CNIH3: variants seen among roughly 807,000 people sequenced by gnomAD.
The protein encoded by CNIH3 is cornichon family AMPA receptor auxiliary protein 3, also known as protein cornichon homolog 3.
Under a neutral mutation model 24.1 loss-of-function variants are expected in CNIH3, and 14 were observed. The observed-to-expected ratio is 0.58, with a 90% confidence interval of 0.38 to 0.91. The LOEUF (loss-of-function observed/expected upper bound fraction) is 0.91, where lower values mean the gene tolerates loss of function less well. Ranked by LOEUF, CNIH3 falls within the 40% of genes least tolerant of loss-of-function variation. The probability of loss-of-function intolerance (pLI) is 0.00; values close to 1 mark genes in which losing one functional copy is unlikely to be tolerated. For missense variants in CNIH3, 178 were observed against 196.8 expected, an observed-to-expected ratio of 0.90 and a Z score of 0.57; for synonymous variants, 68 against 73.8, an observed-to-expected ratio of 0.92 and a Z score of 0.40.
chr1:224,434,929 G>A (rs1428221624), intron 1 of CNIH3: 25 of 985,658 alleles, frequency 2.5e-5, no homozygotes, highest in Non-Finnish European at 2.9e-5. Context: ...GGTCAGGGGA[G>A]GGAGGCCAGC....
chr1:224,497,247 GTAC>G (rs1416656703), intron 1 of CNIH3, among the ~76,000 whole-genome samples: 1 of 152,180 alleles, frequency 6.6e-6, no homozygotes, highest in Non-Finnish European at 1.5e-5. Context: ...CTGCTAATAG[GTAC>G]AAGATTTCTT....
downstream of CNIH3, among the ~76,000 whole-genome samples, chr1:224,589,411 G>A (rs1681655419): frequency 2.0e-5 from 3 of 152,164 alleles, no homozygotes; most frequent in South Asian, 4.1e-4. Flanking sequence ...GAATATCTGG[G>A]GCTAAATGAG....
At chr1:224,672,018 C>T (rs551807450) in intron 1 of CNIH3, among the ~76,000 whole-genome samples, 1 of 152,218 alleles carries the variant, frequency 6.6e-6, no homozygotes, top group Non-Finnish European at 1.5e-5. Flanking sequence ...ATGTTATAAC[C>T]AATAAAATCA....
chr1:224,716,378 A>G (rs1688430804), intron 3 of CNIH3, among the ~76,000 whole-genome samples: 1 of 152,236 alleles, frequency 6.6e-6, no homozygotes, highest in Non-Finnish European at 1.5e-5. Flanking sequence ...TCACGCAGGC[A>G]AGGATGGTGT....
chr1:224,605,045 G>T (rs1000414766), intron 3 of CNIH3, among the ~76,000 whole-genome samples: 1 of 152,146 alleles, frequency 6.6e-6, no homozygotes, highest in Non-Finnish European at 1.5e-5. Flanking sequence ...GGCAAAAAAG[G>T]CTAAAGCAAA....
At chr1:224,537,763 A>G (rs1451443331), downstream of CNIH3, among the ~76,000 whole-genome samples, 1 of 152,228 alleles carries the variant, frequency 6.6e-6, no homozygotes. Flanking sequence ...AGCAGCAATT[A>G]TAAGAACAAT....
chr1:224,735,981 C>T (rs1429067547), intron 5 of CNIH3, among the ~76,000 whole-genome samples: 11 of 151,952 alleles, frequency 7.2e-5, no homozygotes, highest in East Asian at 1.9e-4. Context: ...TTGTACGTAT[C>T]GCTCAATTTA....
At chr1:224,638,825 A>G (rs946281215) in intron 1 of CNIH3, among the ~76,000 whole-genome samples, 4 of 152,166 alleles carry the variant, frequency 2.6e-5, no homozygotes, top group Admixed American at 2.6e-4. Flanking sequence ...CCTTGTCAAT[A>G]CTTTATACTT....
At chr1:224,583,606 G>T (rs1356675441) in intron 5 of CNIH3, among the ~76,000 whole-genome samples, 2 of 152,194 alleles carry the variant, frequency 1.3e-5, no homozygotes, top group Non-Finnish European at 2.9e-5. Context: ...TTGGTTTAGT[G>T]ATTCCTAATC....
intron 1 of CNIH3, among the ~76,000 whole-genome samples, chr1:224,620,588 C>T (rs557819646): frequency 2.0e-5 from 3 of 152,196 alleles, no homozygotes; most frequent in East Asian, 1.9e-4. Context: ...TTAAATTAGA[C>T]TTCTGCTTAT....
At chr1:224,516,430 C>G (rs1356355658) in intron 1 of CNIH3, among the ~76,000 whole-genome samples, 1 of 152,040 alleles carries the variant, frequency 6.6e-6, no homozygotes, top group Non-Finnish European at 1.5e-5. Context: ...TACCACTGGG[C>G]CACATCTATG....
chr1:224,446,488 C>T (rs1181245610), intron 1 of CNIH3, among the ~76,000 whole-genome samples: 9 of 152,006 alleles, frequency 5.9e-5, no homozygotes, highest in African/African-American at 1.9e-4. Context: ...TCTTGTACAT[C>T]TTTTTCCTAG....
At chr1:224,608,371 G>A (rs1159490376) in intron 3 of CNIH3, among the ~76,000 whole-genome samples, 1 of 152,248 alleles carries the variant, frequency 6.6e-6, no homozygotes, top group East Asian at 1.9e-4. Flanking sequence ...CGGGAGTGTT[G>A]GCAAGACTCA....
In CNIH3 at chr1:224,734,571, A is replaced by G. The variant is rs901356263; in HGVS notation, c.320A>G (p.His107Arg). The change falls in exon 5 of 6, where the codon CAC becomes CGC. Residue 107 changes from histidine (H) to arginine (R), a missense_variant. Physicochemically the swap from His to Arg is conservative, Grantham distance 29. Coordinates refer to ENST00000272133, the MANE Select transcript of CNIH3 (RefSeq NM_152495.2). ...GTCCTCTCTCCCTGCAGGTATTTCC[A>G]CTGTCCAGCAGATAGCTCAGAACTA... The part of the protein sequence containing the change: ...LLFYHFWRYF[H>R]CPADSSELAY... 21 of 1,613,946 alleles carry G rather than the reference A, an allele frequency of 1.3e-5. No individual in the cohort carries two copies. Among genetic ancestry groups the G allele is most frequent in the Non-Finnish European group, 1.7e-5 (20 of 1,179,968 alleles).
intron 1 of CNIH3, among the ~76,000 whole-genome samples, chr1:224,497,203 C>T (rs974632619): frequency 2.6e-5 from 4 of 152,220 alleles, no homozygotes; most frequent in African/African-American, 9.6e-5. Flanking sequence ...GAGTGGTTGT[C>T]AGGGAGAGAG....
chr1:224,585,181 C>T (rs1052835369), intron 5 of CNIH3, among the ~76,000 whole-genome samples: 2 of 152,152 alleles, frequency 1.3e-5, no homozygotes, highest in African/African-American at 2.4e-5. Flanking sequence ...TTTGCACTTG[C>T]CCTTTGTTCA....
At chr1:224,503,475 C>T (rs1677769022) in intron 1 of CNIH3, among the ~76,000 whole-genome samples, 1 of 152,192 alleles carries the variant, frequency 6.6e-6, no homozygotes, top group Non-Finnish European at 1.5e-5. Context: ...AGGTGGCTCC[C>T]CTGCAGGAGG....
intron 1 of CNIH3, among the ~76,000 whole-genome samples, chr1:224,624,202 C>T (rs1458209204): frequency 6.6e-6 from 1 of 152,218 alleles, no homozygotes; most frequent in Non-Finnish European, 1.5e-5. Flanking sequence ...CTGTGGCAAT[C>T]TCTGGGCACC....
intron 3 of CNIH3, among the ~76,000 whole-genome samples, chr1:224,607,474 T>A (rs371675979): frequency 6.6e-5 from 10 of 152,210 alleles, no homozygotes; most frequent in African/African-American, 1.9e-4. Flanking sequence ...CTTTACTGAA[T>A]CTACATTTTT....
Sources: allele counts gnomAD v4.1 joint callset (sites outside exome capture counted in the v4.1 genomes callset), GRCh38; gene constraint gnomAD v4.1.1; transcripts MANE v1.5; gene names NCBI Gene and HGNC (gene_info 2026-07-23, HGNC 2026-07-21).